DENND1A: variants seen among roughly 807,000 people sequenced by gnomAD.
DENND1A encodes DENN domain containing 1A, also known as DENN domain-containing protein 1A.
A neutral mutation model predicts 113.7 loss-of-function variants in DENND1A; 51 were observed. That is an observed-to-expected ratio of 0.45 (90% CI 0.36 to 0.57). The LOEUF (loss-of-function observed/expected upper bound fraction) is 0.57. Ranked by LOEUF, DENND1A falls within the 20% of genes least tolerant of loss-of-function variation. The pLI is 0.00. For missense variants in DENND1A, 1,258 were observed against 1,395.9 expected (o/e 0.90, Z 1.57); for synonymous variants, 565 against 570.8 (o/e 0.99, Z 0.14).
intron 5 of DENND1A, among the ~76,000 whole-genome samples, chr9:123,724,811 G>GTA (rs2067587257): frequency 1.3e-5 from 2 of 152,184 alleles, no homozygotes; most frequent in Non-Finnish European, 2.9e-5. Flanking sequence ...GATTCAAGCT[G>GTA]TAAAAAACAC....
At chr9:123,599,927 T>C (rs773461521) in intron 11 of DENND1A, among the ~76,000 whole-genome samples, 4 of 152,138 alleles carry the variant, frequency 2.6e-5, no homozygotes, top group Admixed American at 1.3e-4. Flanking sequence ...CACAAACCCA[T>C]ACCATGAGTC....
At chr9:123,425,819 G>C (rs770556622) in intron 19 of DENND1A, among the ~76,000 whole-genome samples, 29 of 152,250 alleles carry the variant, frequency 1.9e-4, no homozygotes, top group South Asian at 1.0e-3. Flanking sequence ...GTCAAGGGAA[G>C]GCGATGCCTG....
At chr9:123,610,117 G>A (rs796281924) in intron 10 of DENND1A, among the ~76,000 whole-genome samples, 12 of 152,292 alleles carry the variant, frequency 7.9e-5, no homozygotes, top group African/African-American at 1.4e-4. Flanking sequence ...ACGGAGCCAC[G>A]GGTTGCCTAA....
rs1856241038 is a variant in DENND1A at position 123,921,458 on chromosome 9, CAG to C, written c.17+8429_17+8430del. Among the ~76,000 whole-genome samples the C allele has an allele frequency of 2.0e-5, 3 of 152,230 alleles. No individual in the cohort carries two copies. The South Asian group carries it at 6.2e-4, about 32-fold the overall frequency. ...CAAGAACTGCCAGCGTGGAGTCAAA[CAG>C]TATCTTCTCTAGATTGGTTTCCTTC... On this transcript the variant is annotated intron_variant, in intron 1 of 23. Coordinates refer to ENST00000394215, the MANE Select transcript of DENND1A (RefSeq NM_001352964.2).
At chr9:123,845,844 C>T (rs1842543432) in intron 2 of DENND1A, among the ~76,000 whole-genome samples, 1 of 151,828 alleles carries the variant, frequency 6.6e-6, no homozygotes, top group African/African-American at 2.4e-5. Context: ...TACTAAAGAA[C>T]AAACAACAAA....
chr9:123,644,390 A>AG (rs986326318), intron 9 of DENND1A, among the ~76,000 whole-genome samples: 5 of 148,288 alleles, frequency 3.4e-5, no homozygotes, highest in Non-Finnish European at 7.6e-5. Context: ...AAAAAAAAAA[A>AG]AAAAAAAAAA....
chr9:123,541,266 C>T (rs185145608), intron 13 of DENND1A, among the ~76,000 whole-genome samples: 136 of 152,288 alleles, frequency 8.9e-4, no homozygotes, highest in Non-Finnish European at 1.6e-3. Flanking sequence ...GGGGATAATA[C>T]TGTGTACATT....
intron 5 of DENND1A, among the ~76,000 whole-genome samples, chr9:123,706,543 G>A (rs1342331523): frequency 1.5e-4 from 23 of 151,064 alleles, no homozygotes; most frequent in African/African-American, 5.1e-4. Context: ...AGGCCGAGAC[G>A]GGCGGATCAC....
rs1225634890 is a variant in DENND1A at position 123,538,817 on chromosome 9, T to C, written c.993+18753A>G. Among the ~76,000 whole-genome samples, 14 of 58,890 alleles carry C rather than the reference T, an allele frequency of 2.4e-4. No individual in the cohort carries two copies. In the South Asian group the frequency reaches 3.6e-3, roughly 15 times the overall value. 38.6% of individuals were successfully genotyped at this position (58,890 alleles called of 152,430 possible). A position where few individuals can be genotyped will look rare whatever the true frequency, so the allele number is the denominator to read the frequency against. On this transcript the variant is annotated intron_variant, in intron 13 of 23. Transcript: ENST00000394215. ...AAAGGTGACAACTCATACATATATATATATATATATATATATATATATATA... is the reference window on the plus strand; with the variant it reads ...AAAGGTGACAACTCATACATATATACATATATATATATATATATATATATA...
chr9:123,895,215 C>A (rs1850541678), intron 1 of DENND1A, among the ~76,000 whole-genome samples: 1 of 152,174 alleles, frequency 6.6e-6, no homozygotes, highest in African/African-American at 2.4e-5. Flanking sequence ...ACCATAGCTG[C>A]ATGCCACTTG....
At chr9:123,517,940 C>T (rs566156256) in intron 13 of DENND1A, among the ~76,000 whole-genome samples, 3 of 152,158 alleles carry the variant, frequency 2.0e-5, no homozygotes, top group East Asian at 1.9e-4. Context: ...GCTTTTCTGT[C>T]TTTTCCAAAT....
chr9:123,672,996 C>T (rs7025734), intron 6 of DENND1A, among the ~76,000 whole-genome samples: 7 of 152,142 alleles, frequency 4.6e-5, no homozygotes, highest in Non-Finnish European at 1.0e-4. Flanking sequence ...AGTTATAACC[C>T]TCTACTCATC....
intron 13 of DENND1A, among the ~76,000 whole-genome samples, chr9:123,552,812 T>C (rs2057181444): frequency 6.6e-6 from 1 of 152,264 alleles, no homozygotes. Context: ...ACACCTTATG[T>C]GCCAAAGGCC....
At chr9:123,503,992 C>T (rs1247484666) in intron 13 of DENND1A, among the ~76,000 whole-genome samples, 2 of 152,210 alleles carry the variant, frequency 1.3e-5, no homozygotes, top group Non-Finnish European at 2.9e-5. Context: ...CCATTTCTAC[C>T]AGTTTGAAAA....
chr9:123,450,759 A>C lies in DENND1A; in HGVS notation c.1300-10T>G. Reference sequence around the variant, plus strand: ...TTGCATGATCTTTTGCCTGCATGAAAAATTAATTTAAGTTAAGATTCCCTT... The same window carrying C: ...TTGCATGATCTTTTGCCTGCATGAACAATTAATTTAAGTTAAGATTCCCTT... On this transcript the variant is annotated splice_polypyrimidine_tract_variant and intron_variant, in intron 17 of 23. Transcript: ENST00000394215. 2 of 1,607,506 alleles carry C rather than the reference A, an allele frequency of 1.2e-6. No individual in the cohort carries two copies. The highest frequency in any genetic ancestry group is 1.7e-6 in the Non-Finnish European group (2 of 1,177,438).
intron 5 of DENND1A, among the ~76,000 whole-genome samples, chr9:123,698,953 A>G (rs534243747): frequency 6.6e-6 from 1 of 152,360 alleles, no homozygotes; most frequent in East Asian, 1.9e-4. Context: ...GTGGCAAAAA[A>G]CTATAAAAAG....
At chr9:123,675,267 G>C (rs551010827) in intron 6 of DENND1A, among the ~76,000 whole-genome samples, 33 of 152,242 alleles carry the variant, frequency 2.2e-4, no homozygotes, top group African/African-American at 7.9e-4. Flanking sequence ...ATTTCCCAAA[G>C]TGTGTTCCAG....
intron 13 of DENND1A, among the ~76,000 whole-genome samples, chr9:123,551,745 G>A (rs1237238573): frequency 1.3e-5 from 2 of 152,114 alleles, no homozygotes; most frequent in African/African-American, 2.4e-5. Context: ...TAATTCACCC[G>A]GCCCTGAAGA....
intron 1 of DENND1A, among the ~76,000 whole-genome samples, chr9:123,902,161 TCACACACACACATA>T (rs1223710389): frequency 1.9e-4 from 25 of 128,236 alleles, no homozygotes; most frequent in Middle Eastern, 3.8e-3. Flanking sequence ...TACTCATGGG[TCACACACACACATA>T]CACACACACA....
Sources: gnomAD v4.1 joint callset for allele counts (sites outside exome capture counted in the v4.1 genomes callset) on GRCh38, gnomAD v4.1.1 for gene constraint, MANE v1.5 for transcripts, NCBI Gene and HGNC (gene_info 2026-07-23, HGNC 2026-07-21) for gene names.